The following ANKS1A variants were observed in gnomAD, a reference collection of about 807,000 sequenced individuals.
ANKS1A encodes ankyrin repeat and SAM domain-containing protein 1A.
A neutral mutation model predicts 120.3 loss-of-function variants in ANKS1A; 55 were observed. That is an observed-to-expected ratio of 0.46 (90% CI 0.37 to 0.57). ANKS1A has a LOEUF of 0.57. Ranked by LOEUF, ANKS1A falls within the 20% of genes least tolerant of loss-of-function variation. ANKS1A has a pLI of 0.00. For missense variants in ANKS1A, 1,123 were observed against 1,480.3 expected, an observed-to-expected ratio of 0.76 and a Z score of 3.96; for synonymous variants, 590 against 604.7, an observed-to-expected ratio of 0.98 and a Z score of 0.36.
chr6:34,981,570 C>T (rs995601026), intron 3 of ANKS1A, 120 bp from the exon 4 acceptor site: 4 of 1,089,040 alleles, frequency 3.7e-6, no homozygotes, highest in South Asian at 3.2e-5. Flanking sequence ...CTTTTATTAG[C>T]CCCCAAGTGT....
rs140265659 is a variant in ANKS1A at position 35,017,573 on chromosome 6, G to A, written c.1524G>A (p.Pro508=). ...QFSGLLHGSS[P]VCEVGQDPFQ... ...CAGGCCTCCTCCACGGCTCCTCCCC[G>A]GTGTGCGAGGTGGGGCAGGACCCTT... Residue 508 remains proline (P), a synonymous_variant, in exon 11 of 24, where the codon CCG becomes CCA. Transcript: ENST00000360359. 1.1e-4 allele frequency: 181 copies of A among 1,614,010 alleles called. No homozygotes were observed. In the African/African-American group the frequency reaches 1.7e-3, roughly 15 times the overall value.
At chr6:34,980,162 C>A (rs534884156) in intron 3 of ANKS1A, among the ~76,000 whole-genome samples, 102 of 152,372 alleles carry the variant, frequency 6.7e-4, no homozygotes, top group Non-Finnish European at 1.3e-3. Context: ...CCAGTCATAT[C>A]ATAGGAGGCC....
intron 1 of ANKS1A, among the ~76,000 whole-genome samples, chr6:34,955,255 G>GC (rs1410731364): frequency 6.6e-6 from 1 of 151,688 alleles, no homozygotes; most frequent in Non-Finnish European, 1.5e-5. Context: ...TCCTGCCTCA[G>GC]CCCCCCAAGT....
At chr6:34,910,447 G>C (rs1455298474) in intron 1 of ANKS1A, among the ~76,000 whole-genome samples, 1 of 152,180 alleles carries the variant, frequency 6.6e-6, no homozygotes, top group Non-Finnish European at 1.5e-5. Context: ...TGCAGTCCCA[G>C]CTACTCAGGA....
chr6:35,022,576 A>C (rs779928658), intron 11 of ANKS1A, among the ~76,000 whole-genome samples: 61 of 152,338 alleles, frequency 4.0e-4, no homozygotes, highest in Non-Finnish European at 8.1e-4. Context: ...GCCTAAGAGG[A>C]GATCTGAATC....
At chr6:34,941,504 G>A (rs57608318) in intron 1 of ANKS1A, among the ~76,000 whole-genome samples, 13,420 of 152,066 alleles carry the variant, frequency 0.088, 762 homozygotes, top group East Asian at 0.34. Flanking sequence ...CTAGGCTCAA[G>A]CAATCCTCCC....
At chr6:34,962,488 A>C (rs1770688734) in intron 1 of ANKS1A, among the ~76,000 whole-genome samples, 1 of 152,154 alleles carries the variant, frequency 6.6e-6, no homozygotes, top group Non-Finnish European at 1.5e-5. Context: ...TGGTGAGAAC[A>C]CTTAAAAACC....
chr6:35,021,599 G>T (rs1380898997), intron 11 of ANKS1A, among the ~76,000 whole-genome samples: 2 of 152,222 alleles, frequency 1.3e-5, no homozygotes, highest in African/African-American at 4.8e-5. Flanking sequence ...CATGCATAAA[G>T]TGTTGACTAA....
At chr6:35,028,738 GA>G (rs949581091) in intron 11 of ANKS1A, among the ~76,000 whole-genome samples, 44 of 152,184 alleles carry the variant, frequency 2.9e-4, no homozygotes, top group African/African-American at 9.9e-4. Flanking sequence ...GTAATTTTTT[GA>G]AAATCATTCT....
chr6:34,935,772 C>G (rs1447884821), intron 1 of ANKS1A, among the ~76,000 whole-genome samples: 1 of 152,188 alleles, frequency 6.6e-6, no homozygotes. Context: ...AAAATACTTT[C>G]TCCTGGTGGG....
chr6:35,056,868 C>A (rs1179351639), intron 12 of ANKS1A, among the ~76,000 whole-genome samples: 1 of 152,010 alleles, frequency 6.6e-6, no homozygotes, highest in Non-Finnish European at 1.5e-5. Context: ...TGCCCATGAA[C>A]CCTGTCTGAT....
rs910406615 is a variant in ANKS1A, at chr6:34,994,430, C to A, written c.1423+8C>A. The A allele has an allele frequency of 3.7e-6, 6 of 1,609,722 alleles. No individual in the cohort carries two copies. In the African/African-American group the frequency reaches 5.3e-5, roughly 14 times the overall value. ...TGGATGGAAAAACAAAAGGTACGTT[C>A]CCCACAACTCCTGGCAGAACCAACT... is the stretch of plus-strand genomic sequence containing the variant. On this transcript the variant is annotated splice_region_variant and intron_variant, in intron 10 of 23. Coordinates refer to ENST00000360359, the MANE Select transcript of ANKS1A (RefSeq NM_015245.3).
intron 11 of ANKS1A, among the ~76,000 whole-genome samples, chr6:35,039,872 A>T (rs182653442): frequency 1.4e-3 from 218 of 152,352 alleles, no homozygotes; most frequent in Admixed American, 2.4e-3. Flanking sequence ...ATAGTTCTAG[A>T]GGCTGGGAAG....
chr6:34,934,058 T>C (rs898134473), intron 1 of ANKS1A, among the ~76,000 whole-genome samples: 3 of 152,220 alleles, frequency 2.0e-5, no homozygotes, highest in African/African-American at 7.2e-5. Context: ...TTTTCTCTTA[T>C]ACTCCATACA....
intron 1 of ANKS1A, among the ~76,000 whole-genome samples, chr6:34,897,214 A>G (rs1298486991): frequency 6.6e-6 from 1 of 152,182 alleles, no homozygotes; most frequent in African/African-American, 2.4e-5. Flanking sequence ...ACAGGAAACA[A>G]TGAAACAAGC....
intron 1 of ANKS1A, among the ~76,000 whole-genome samples, chr6:34,945,807 G>T (rs747986896): frequency 3.3e-5 from 5 of 152,104 alleles, no homozygotes; most frequent in Admixed American, 6.5e-5. Flanking sequence ...GGCTTTCAAT[G>T]ATTGGTTCAT....
chr6:34,957,885 C>A (rs1770449233), intron 1 of ANKS1A, among the ~76,000 whole-genome samples: 1 of 152,182 alleles, frequency 6.6e-6, no homozygotes, highest in Non-Finnish European at 1.5e-5. Flanking sequence ...AATCAGCAAG[C>A]CATTTGAACT....
At chr6:34,920,130 G>A (rs1240927927) in intron 1 of ANKS1A, among the ~76,000 whole-genome samples, 1 of 151,722 alleles carries the variant, frequency 6.6e-6, no homozygotes, top group African/African-American at 2.4e-5. Context: ...TTGATGAGTG[G>A]GTCTGCTTGC....
intron 11 of ANKS1A, among the ~76,000 whole-genome samples, chr6:35,049,836 A>G (rs943226757): frequency 1.3e-5 from 2 of 152,186 alleles, no homozygotes; most frequent in African/African-American, 2.4e-5. Flanking sequence ...AGCCCTGCAC[A>G]CAGCCGTGAC....
Sources: allele counts gnomAD v4.1 joint callset (sites outside exome capture counted in the v4.1 genomes callset), GRCh38; gene constraint gnomAD v4.1.1; transcripts MANE v1.5; gene names NCBI Gene and HGNC (gene_info 2026-07-23, HGNC 2026-07-21).